The following SH3BGRL2 variants were observed in gnomAD, a reference collection of about 807,000 sequenced individuals.
SH3BGRL2 encodes SH3 domain binding glutamate rich protein like 2, also known as SH3 domain-binding glutamic acid-rich-like protein 2.
SH3BGRL2 carries 21 observed loss-of-function variants against 14.8 expected under a neutral mutation model. The ratio of observed to expected loss-of-function variants is 1.42; its 90% confidence interval spans 1.01 to 2.05. The LOEUF is 2.05. Ranked by LOEUF, SH3BGRL2 falls within the 30% of genes most tolerant of loss-of-function variation. The pLI is 0.00. For missense variants in SH3BGRL2, 147 were observed against 130.8 expected (o/e 1.12, Z -0.61); for synonymous variants, 50 against 47.8 (o/e 1.05, Z -0.19).
At chr6:79,613,110 C>T in the SH3BGRL2 span, among the ~76,000 whole-genome samples, 3 of 152,206 alleles carry the variant, frequency 2.0e-5, no homozygotes, top group South Asian at 2.1e-4. Context: ...GACATCTCTA[C>T]AGGCTGGTTA....
At chr6:79,689,922 C>CT (rs1337843985) in intron 2 of SH3BGRL2, among the ~76,000 whole-genome samples, 2 of 152,032 alleles carry the variant, frequency 1.3e-5, no homozygotes, top group East Asian at 3.9e-4. Context: ...TTTATGTTTT[C>CT]TTTTTTACAT....
intron 2 of SH3BGRL2, among the ~76,000 whole-genome samples, chr6:79,683,748 T>TAAACATCC (rs1414190675): frequency 1.3e-5 from 2 of 152,182 alleles, no homozygotes; most frequent in East Asian, 3.9e-4. Context: ...TGCTCGGCCG[T>TAAACATCC]AAACATCCTT....
chr6:79,679,597 G>A (rs1421072537), intron 2 of SH3BGRL2, among the ~76,000 whole-genome samples: 3 of 152,060 alleles, frequency 2.0e-5, no homozygotes, highest in African/African-American at 4.8e-5. Flanking sequence ...ATACCTACAA[G>A]TGAGATTGCT....
At position 79,684,405 on chromosome 6, in the gene SH3BGRL2, C is replaced by T. The variant is rs182603166; in HGVS notation, c.231+10606C>T. On this transcript the variant is annotated intron_variant, in intron 2 of 3. Transcript: ENST00000369838. ...ATAGGTTTTTTTTTAATGTCTTTGCCTTCAGTTGGTTTCCAAGTACCTTGT... is the reference window on the plus strand; with the variant it reads ...ATAGGTTTTTTTTTAATGTCTTTGCTTTCAGTTGGTTTCCAAGTACCTTGT... Among the ~76,000 whole-genome samples the T allele has an allele frequency of 1.2e-3, 189 of 151,996 alleles. 1 individual carries two copies. Among genetic ancestry groups the T allele is most frequent in the Middle Eastern group, 3.4e-3 (1 of 294 alleles).
At chr6:79,633,162 G>A (rs534736624) in intron 1 of SH3BGRL2, among the ~76,000 whole-genome samples, 1 of 152,126 alleles carries the variant, frequency 6.6e-6, no homozygotes, top group Non-Finnish European at 1.5e-5. Flanking sequence ...TAAATTTAAT[G>A]TTTTGTGTTT....
the SH3BGRL2 span, among the ~76,000 whole-genome samples, chr6:79,585,054 TA>T: frequency 6.7e-6 from 1 of 148,162 alleles, no homozygotes; most frequent in Non-Finnish European, 1.5e-5. Flanking sequence ...CTTTTTTTTT[TA>T]AAAAAAAAAA....
intron 1 of SH3BGRL2, among the ~76,000 whole-genome samples, chr6:79,660,773 CT>C (rs1562150469): frequency 3.9e-5 from 6 of 152,076 alleles, no homozygotes; most frequent in Admixed American, 1.3e-4. Context: ...TGGTCCTGGA[CT>C]TTTTTTGGTT....
At chr6:79,649,978 C>CTT (rs1769250054) in intron 1 of SH3BGRL2, among the ~76,000 whole-genome samples, 1 of 105,998 alleles carries the variant, frequency 9.4e-6, no homozygotes, top group African/African-American at 3.7e-5. Flanking sequence ...CTCTCTCTCT[C>CTT]TCTCTCTCAC....
chr6:79,640,539 G>C (rs1159476318), intron 1 of SH3BGRL2, among the ~76,000 whole-genome samples: 10 of 152,134 alleles, frequency 6.6e-5, no homozygotes, highest in Admixed American at 6.5e-4. Flanking sequence ...GAACAATTTT[G>C]TTGGTCACCT....
At chr6:79,541,516 G>C in the SH3BGRL2 span, among the ~76,000 whole-genome samples, 39 of 152,160 alleles carry the variant, frequency 2.6e-4, no homozygotes, top group African/African-American at 8.4e-4. Context: ...TTCCCTTCCA[G>C]GTATGGCCAC....
chr6:79,665,052 T>C (rs1315019274), intron 1 of SH3BGRL2, among the ~76,000 whole-genome samples: 1 of 152,000 alleles, frequency 6.6e-6, no homozygotes, highest in Non-Finnish European at 1.5e-5. Flanking sequence ...ATACGAAAAT[T>C]AGCAAGGCGT....
At chr6:79,559,684 C>T in the SH3BGRL2 span, among the ~76,000 whole-genome samples, 2 of 152,120 alleles carry the variant, frequency 1.3e-5, no homozygotes, top group Admixed American at 6.5e-5. Flanking sequence ...ACATCAATGA[C>T]AAATGTACTG....
the SH3BGRL2 span, among the ~76,000 whole-genome samples, chr6:79,614,611 C>T: frequency 1.3e-5 from 2 of 152,074 alleles, no homozygotes; most frequent in Non-Finnish European, 2.9e-5. Flanking sequence ...TAGACTGCCC[C>T]GATGTGGTGC....
the SH3BGRL2 span, among the ~76,000 whole-genome samples, chr6:79,559,246 T>C: frequency 2.6e-5 from 4 of 152,102 alleles, no homozygotes; most frequent in African/African-American, 9.7e-5. Context: ...GATGGATTGC[T>C]TAAATCCAGG....
chr6:79,663,009 G>A (rs1021691281), intron 1 of SH3BGRL2, among the ~76,000 whole-genome samples: 1 of 152,060 alleles, frequency 6.6e-6, no homozygotes, highest in Non-Finnish European at 1.5e-5. Flanking sequence ...GGTCATTTAA[G>A]GTCTTCTCTA....
chr6:79,595,545 C>A, the SH3BGRL2 span, among the ~76,000 whole-genome samples: 1 of 152,012 alleles, frequency 6.6e-6, no homozygotes, highest in Non-Finnish European at 1.5e-5. Flanking sequence ...TATCTGAAAT[C>A]AATTAATATA....
chr6:79,538,022 T>G, the SH3BGRL2 span, among the ~76,000 whole-genome samples: 9 of 64,458 alleles, frequency 1.4e-4, no homozygotes, highest in East Asian at 1.3e-3. Context: ...ACACAAGTTT[T>G]TTTTTTTTTT....
chr6:79,563,961 CTG>C, the SH3BGRL2 span, among the ~76,000 whole-genome samples: 1 of 152,118 alleles, frequency 6.6e-6, no homozygotes, highest in African/African-American at 2.4e-5. Context: ...GCTGGAAAAG[CTG>C]TGCAATCAGG....
At chr6:79,547,925 G>A in the SH3BGRL2 span, among the ~76,000 whole-genome samples, 1 of 152,124 alleles carries the variant, frequency 6.6e-6, no homozygotes, top group African/African-American at 2.4e-5. Flanking sequence ...GAGTGCAGGG[G>A]CACAATCACA....
Sources: allele counts gnomAD v4.1 joint callset (sites outside exome capture counted in the v4.1 genomes callset), GRCh38; gene constraint gnomAD v4.1.1; transcripts MANE v1.5; gene names NCBI Gene and HGNC (gene_info 2026-07-23, HGNC 2026-07-21).